SNX29: variants seen among roughly 807,000 people sequenced by gnomAD.
SNX29 encodes sorting nexin 29, also known as sorting nexin-29.
In SNX29, 78 loss-of-function variants were observed where a neutral mutation model predicts 102.1. The observed-to-expected ratio is 0.76, with a 90% confidence interval of 0.64 to 0.92. The LOEUF is 0.92. SNX29 is among the 40% of genes least tolerant of loss of function. The probability of loss-of-function intolerance (pLI) is 0.00; values close to 1 mark genes in which losing one functional copy is unlikely to be tolerated. For missense variants in SNX29, 1,280 were observed against 1,061.7 expected (o/e 1.21, Z -2.86); for synonymous variants, 580 against 414.5 (o/e 1.40, Z -4.85).
In SNX29 at chr16:12,018,476, G is replaced by A. The variant is rs189103128; in HGVS notation, c.123-8844G>A. ...TGGGCACCTGTAATCCCAGCCACTCGGGAGGCTGAAGCAGGAGAATCACTT... is the reference window on the plus strand; with the variant it reads ...TGGGCACCTGTAATCCCAGCCACTCAGGAGGCTGAAGCAGGAGAATCACTT... On this transcript the variant is annotated intron_variant, in intron 3 of 20. Coordinates refer to ENST00000566228, the MANE Select transcript of SNX29 (RefSeq NM_032167.5). Among the ~76,000 whole-genome samples the A allele has an allele frequency of 1.4e-3, 219 of 151,290 alleles. 2 individuals are homozygous for A. Among genetic ancestry groups the A allele is most frequent in the African/African-American group, 4.8e-3 (199 of 41,330 alleles).
chr16:12,541,659 G>A (rs1157177394), intron 20 of SNX29, among the ~76,000 whole-genome samples: 1 of 152,126 alleles, frequency 6.6e-6, no homozygotes, highest in Middle Eastern at 3.2e-3. Context: ...AGCTCCTAAT[G>A]CAGCCGTGCT....
intron 11 of SNX29, among the ~76,000 whole-genome samples, chr16:12,111,492 G>A (rs920693716): frequency 2.6e-5 from 4 of 152,104 alleles, no homozygotes; most frequent in Admixed American, 6.5e-5. Flanking sequence ...CCCTCCCTGC[G>A]CAGGAGTCCA....
intron 20 of SNX29, among the ~76,000 whole-genome samples, chr16:12,555,818 G>C (rs1366701931): frequency 6.6e-6 from 1 of 152,134 alleles, no homozygotes; most frequent in African/African-American, 2.4e-5. Flanking sequence ...TGCAAGAAAG[G>C]TGCTCCAGCT....
At chr16:12,284,945 C>T (rs754308475) in intron 15 of SNX29, among the ~76,000 whole-genome samples, 10 of 152,204 alleles carry the variant, frequency 6.6e-5, no homozygotes, top group East Asian at 3.9e-4. Flanking sequence ...AGGCTGGTCT[C>T]GAACTCCTGA....
chr16:12,151,668 C>T (rs55829093), intron 13 of SNX29, among the ~76,000 whole-genome samples: 11,619 of 152,226 alleles, frequency 0.076, 614 homozygotes, highest in Non-Finnish European at 0.12. Flanking sequence ...CATTTCCCCT[C>T]CTCATTATGG....
chr16:12,297,155 G>C (rs1290080227), intron 15 of SNX29: 3 of 152,416 alleles, frequency 2.0e-5, no homozygotes. Context: ...TGGAGACAAG[G>C]GCAGACCACA....
chr16:12,151,804 C>G (rs563973948), intron 13 of SNX29, among the ~76,000 whole-genome samples: 2 of 152,310 alleles, frequency 1.3e-5, no homozygotes, highest in African/African-American at 4.8e-5. Flanking sequence ...GGCACGATCT[C>G]GTCTCACTGC....
At chr16:12,544,261 A>G (rs1159644597) in intron 20 of SNX29, among the ~76,000 whole-genome samples, 1 of 152,184 alleles carries the variant, frequency 6.6e-6, no homozygotes, top group African/African-American at 2.4e-5. Context: ...CCCAGATTGC[A>G]ACTCAGGACT....
intron 14 of SNX29, among the ~76,000 whole-genome samples, chr16:12,253,028 C>A (rs1207326320): frequency 1.3e-5 from 2 of 152,146 alleles, no homozygotes; most frequent in Non-Finnish European, 2.9e-5. Context: ...GATAGAGAAG[C>A]TATTGGTATT....
chr16:12,544,769 A>G (rs1040053672), intron 20 of SNX29, among the ~76,000 whole-genome samples: 6 of 152,236 alleles, frequency 3.9e-5, no homozygotes, highest in African/African-American at 1.4e-4. Context: ...TGGGTCGCAC[A>G]GCTGGTAAAC....
At chr16:12,342,464 A>C (rs1454062381) in intron 15 of SNX29, among the ~76,000 whole-genome samples, 1 of 152,208 alleles carries the variant, frequency 6.6e-6, no homozygotes, top group Non-Finnish European at 1.5e-5. Flanking sequence ...GTGGTCCCAG[A>C]TTCAAGCCCT....
At chr16:12,094,304 CTG>C (rs2052681464) in intron 11 of SNX29, among the ~76,000 whole-genome samples, 1 of 152,168 alleles carries the variant, frequency 6.6e-6, no homozygotes, top group Non-Finnish European at 1.5e-5. Flanking sequence ...AAGAGAGTAT[CTG>C]GCATCTTAAA....
chr16:12,134,318 T>C (rs183902535), intron 13 of SNX29, among the ~76,000 whole-genome samples: 3 of 152,322 alleles, frequency 2.0e-5, no homozygotes, highest in East Asian at 3.9e-4. Context: ...ACAACAAATA[T>C]TTATGATTCC....
intron 14 of SNX29, among the ~76,000 whole-genome samples, chr16:12,245,183 T>C (rs1256366290): frequency 2.0e-5 from 3 of 152,110 alleles, no homozygotes; most frequent in Admixed American, 6.5e-5. Context: ...TGCTCTGAAA[T>C]TGGTCGTTCT....
chr16:12,549,168 C>T (rs1178514097), intron 20 of SNX29, among the ~76,000 whole-genome samples: 1 of 152,186 alleles, frequency 6.6e-6, no homozygotes, highest in Non-Finnish European at 1.5e-5. Flanking sequence ...ATTTGCTGTT[C>T]ATGGAGTGTC....
intron 20 of SNX29, among the ~76,000 whole-genome samples, chr16:12,541,292 C>T (rs776399526): frequency 2.0e-5 from 3 of 152,212 alleles, no homozygotes; most frequent in East Asian, 1.9e-4. Flanking sequence ...ATACCACTAA[C>T]AGTGGGGATG....
At chr16:12,449,996 C>A (rs967906123) in intron 18 of SNX29, among the ~76,000 whole-genome samples, 1 of 152,128 alleles carries the variant, frequency 6.6e-6, no homozygotes, top group African/African-American at 2.4e-5. Context: ...GGCGGTTCCC[C>A]CATACTGTTG....
intron 13 of SNX29, among the ~76,000 whole-genome samples, chr16:12,134,153 GACAC>G (rs1265192886): frequency 6.6e-6 from 1 of 152,178 alleles, no homozygotes; most frequent in African/African-American, 2.4e-5. Context: ...TGTTAAAAAA[GACAC>G]ACATTTACAG....
chr16:12,046,796 T>G (rs2050107895), intron 6 of SNX29, among the ~76,000 whole-genome samples: 1 of 152,086 alleles, frequency 6.6e-6, no homozygotes, highest in Non-Finnish European at 1.5e-5. Flanking sequence ...ATTTTTGTAT[T>G]TTAATAGAGA....
Sources: allele counts gnomAD v4.1 joint callset (sites outside exome capture counted in the v4.1 genomes callset), GRCh38; gene constraint gnomAD v4.1.1; transcripts MANE v1.5; gene names NCBI Gene and HGNC (gene_info 2026-07-23, HGNC 2026-07-21).